Variants in CSMD1 observed in about 807,000 individuals in gnomAD.
The protein encoded by CSMD1 is CUB and sushi domain-containing protein 1.
A neutral mutation model predicts 417.5 loss-of-function variants in CSMD1; 213 were observed. The ratio of observed to expected loss-of-function variants is 0.51; its 90% CI spans 0.46 to 0.57. CSMD1 has a LOEUF of 0.57. Among genes scored for constraint, CSMD1 ranks in the 20% least tolerant of loss-of-function variants. The pLI is 0.00. For synonymous variants in CSMD1, 2,862 were observed against 1,736.8 expected (o/e 1.65, Z -16.11); for missense variants, 6,923 against 4,529.7 (o/e 1.53, Z -15.17).
chr8:3,899,921 T>C (rs1563191410), intron 5 of CSMD1, among the ~76,000 whole-genome samples: 1 of 152,248 alleles, frequency 6.6e-6, no homozygotes, highest in Non-Finnish European at 1.5e-5. Flanking sequence ...CTTTAATGTG[T>C]AAAATATTTA....
chr8:4,155,207 A>G (rs1796767439), intron 3 of CSMD1, among the ~76,000 whole-genome samples: 1 of 152,182 alleles, frequency 6.6e-6, no homozygotes, highest in South Asian at 2.1e-4. Context: ...GCAGTTTGTA[A>G]CAGAGCCAGA....
intron 49 of CSMD1, among the ~76,000 whole-genome samples, chr8:3,052,996 G>A (rs999780005): frequency 6.6e-6 from 1 of 152,000 alleles, no homozygotes; most frequent in Non-Finnish European, 1.5e-5. Context: ...TGGCCAGGCT[G>A]GTTGCCAACT....
chr8:4,700,586 T>C (rs574155400), intron 1 of CSMD1, among the ~76,000 whole-genome samples: 219 of 152,232 alleles, frequency 1.4e-3, no homozygotes, highest in Non-Finnish European at 2.6e-3. Flanking sequence ...AAGGTCTCAA[T>C]TAGTGAAATA....
At chr8:3,967,330 G>C (rs927308632) in intron 5 of CSMD1, among the ~76,000 whole-genome samples, 2 of 152,004 alleles carry the variant, frequency 1.3e-5, no homozygotes, top group Admixed American at 6.5e-5. Flanking sequence ...ATGATGGTAC[G>C]GCTTCTCCAT....
chr8:4,851,735 A>ACTT (rs750359328), intron 1 of CSMD1, among the ~76,000 whole-genome samples: 2 of 152,104 alleles, frequency 1.3e-5, no homozygotes, highest in Admixed American at 1.3e-4. Context: ...GAACCTTAAG[A>ACTT]CTTCTTCTTC....
At chr8:3,717,478 G>C (rs1489902465) in intron 6 of CSMD1, among the ~76,000 whole-genome samples, 2 of 152,014 alleles carry the variant, frequency 1.3e-5, no homozygotes, top group Admixed American at 1.3e-4. Flanking sequence ...TATTGTTGTA[G>C]GACGTTCCCC....
chr8:3,424,433 C>A (rs970196116), intron 12 of CSMD1, among the ~76,000 whole-genome samples: 1 of 152,116 alleles, frequency 6.6e-6, no homozygotes, highest in Non-Finnish European at 1.5e-5. Context: ...CAAGGTAGCA[C>A]GTCTAGTCTG....
intron 7 of CSMD1, among the ~76,000 whole-genome samples, chr8:3,641,164 G>A (rs1399919824): frequency 1.3e-5 from 2 of 151,146 alleles, no homozygotes; most frequent in Non-Finnish European, 2.9e-5. Flanking sequence ...ATCTGCACAT[G>A]TAACATGCAA....
At chr8:4,512,865 C>A (rs1563246016) in intron 2 of CSMD1, among the ~76,000 whole-genome samples, 1 of 149,928 alleles carries the variant, frequency 6.7e-6, no homozygotes, top group African/African-American at 2.4e-5. Flanking sequence ...CTCTTTCGAA[C>A]TTTAAATACC....
chr8:3,353,413 G>A (rs542758424), intron 21 of CSMD1, among the ~76,000 whole-genome samples: 3 of 152,226 alleles, frequency 2.0e-5, no homozygotes, highest in Admixed American at 6.5e-5. Context: ...CAAATAGCTC[G>A]CATATCACAA....
chr8:3,428,051 T>C (rs1813969784), intron 12 of CSMD1, among the ~76,000 whole-genome samples: 1 of 152,274 alleles, frequency 6.6e-6, no homozygotes, highest in African/African-American at 2.4e-5. Context: ...TCGTTGCGTC[T>C]ACCATTACTT....
At chr8:3,350,982 G>A (rs1014808731) in intron 21 of CSMD1, among the ~76,000 whole-genome samples, 6 of 152,146 alleles carry the variant, frequency 3.9e-5, no homozygotes, top group Non-Finnish European at 7.3e-5. Context: ...CAATGCTGCT[G>A]CTTTGCCTTT....
At chr8:4,749,228 G>C (rs1409121200) in intron 1 of CSMD1, among the ~76,000 whole-genome samples, 2 of 152,236 alleles carry the variant, frequency 1.3e-5, no homozygotes, top group African/African-American at 4.8e-5. Flanking sequence ...TTTCATTAAA[G>C]GGTTAAATGT....
chr8:4,227,039 T>A (rs1286692661), intron 3 of CSMD1, among the ~76,000 whole-genome samples: 1 of 151,812 alleles, frequency 6.6e-6, no homozygotes, highest in Admixed American at 6.6e-5. Flanking sequence ...TGGGTCTGTA[T>A]CAACTCTAAG....
chr8:4,094,757 T>A (rs1261494460), intron 3 of CSMD1, among the ~76,000 whole-genome samples: 1 of 151,912 alleles, frequency 6.6e-6, no homozygotes, highest in South Asian at 2.1e-4. Flanking sequence ...ATGATGGAGG[T>A]GAGATGCTGA....
chr8:4,854,716 A>G (rs1801692028), intron 1 of CSMD1, among the ~76,000 whole-genome samples: 1 of 152,092 alleles, frequency 6.6e-6, no homozygotes, highest in African/African-American at 2.4e-5. Context: ...GGGCTTAAAA[A>G]ACGGTGCACC....
Position 3,754,223 on chromosome 8 carries a change from C to G in CSMD1, c.819-181G>C, listed in dbSNP as rs1320599830. Among the ~76,000 whole-genome samples the G allele has an allele frequency of 3.9e-5, 6 of 152,128 alleles. No individual in the cohort carries two copies. The East Asian group carries it at 7.7e-4, about 20-fold the overall frequency. On this transcript the variant is annotated intron_variant, in intron 5 of 69. Transcript: ENST00000635120. ...CAAGATGATTTTATCTTTGCCCAAA[C>G]ATAAATGCTAAATCCCTAGATGGAA...
intron 2 of CSMD1, among the ~76,000 whole-genome samples, chr8:4,448,910 A>G (rs940697057): frequency 6.6e-6 from 1 of 152,188 alleles, no homozygotes; most frequent in Non-Finnish European, 1.5e-5. Flanking sequence ...CACATATTTC[A>G]TCTATTAAGT....
chr8:4,499,921 G>A (rs778333590), intron 2 of CSMD1, among the ~76,000 whole-genome samples: 9 of 152,158 alleles, frequency 5.9e-5, no homozygotes, highest in Non-Finnish European at 1.3e-4. Flanking sequence ...TGGCTGAGAT[G>A]TGAGAATAAA....
Sources: allele counts gnomAD v4.1 joint callset (sites outside exome capture counted in the v4.1 genomes callset), GRCh38; gene constraint gnomAD v4.1.1; transcripts MANE v1.5; gene names NCBI Gene and HGNC (gene_info 2026-07-23, HGNC 2026-07-21).